CACNA1S: variants seen among roughly 807,000 people sequenced by gnomAD.
The protein encoded by CACNA1S is calcium voltage-gated channel subunit alpha1 S.
A neutral mutation model predicts 207.4 loss-of-function variants in CACNA1S; 126 were observed. The observed-to-expected ratio is 0.61, with a 90% CI of 0.53 to 0.70. The LOEUF (loss-of-function observed/expected upper bound fraction) is 0.70, where lower values mean the gene tolerates loss of function less well. Among genes scored for constraint, CACNA1S ranks in the 30% least tolerant of loss-of-function variants. The pLI is 0.00. For missense variants in CACNA1S, 2,349 were observed against 2,422.8 expected (o/e 0.97, Z 0.64); for synonymous variants, 960 against 932.7 (o/e 1.03, Z -0.53).
chr1:201,055,739 G>T (rs1170745323), intron 28 of CACNA1S, among the ~76,000 whole-genome samples: 1 of 152,170 alleles, frequency 6.6e-6, no homozygotes, highest in Non-Finnish European at 1.5e-5. Context: ...CATCAGGTAT[G>T]TAAATCAATC....
chr1:201,111,306 A>G (rs1663094934), intron 1 of CACNA1S, among the ~76,000 whole-genome samples: 2 of 152,214 alleles, frequency 1.3e-5, no homozygotes, highest in South Asian at 4.1e-4. Context: ...GTAGGAGCCC[A>G]GCCTTCCAGA....
Position 201,058,516 on chromosome 1 carries a change from C to T in CACNA1S, c.3526-25G>A, listed in dbSNP as rs370585469. The stretch of plus-strand genomic sequence containing the variant: ...CCTGGGAAGGAAAAGGATGGGAAAG[C>T]GAGGGGGTGAGCTTTGGGAGGAAGG... On this transcript the variant is annotated intron_variant, in intron 27 of 43. Coordinates refer to ENST00000362061, the MANE Select transcript of CACNA1S (RefSeq NM_000069.3). The T allele has an allele frequency of 2.6e-4, 407 of 1,576,218 alleles. 1 individual carries two copies. Among genetic ancestry groups the T allele is most frequent in the Non-Finnish European group, 3.3e-4 (375 of 1,145,970 alleles).
intron 28 of CACNA1S, among the ~76,000 whole-genome samples, chr1:201,057,519 C>T (rs376386660): frequency 1.7e-4 from 26 of 152,362 alleles, no homozygotes; most frequent in Middle Eastern, 6.8e-3. Context: ...TTGTTCACTG[C>T]TGTATCTCAG....
intron 34 of CACNA1S, 133 bp downstream of exon 34, chr1:201,050,256 C>T: frequency 9.9e-7 from 1 of 1,005,310 alleles, no homozygotes; most frequent in East Asian, 2.4e-5. Context: ...ATTCTCTGAT[C>T]TGAGACCTCA....
rs1246058295 is a variant in CACNA1S at position 201,048,617 on chromosome 1, G to A, written c.4406C>T (p.Ala1469Val). 1 of 1,613,970 alleles carries A rather than the reference G, an allele frequency of 6.2e-7. No homozygotes were observed. The highest frequency in any genetic ancestry group is 1.1e-5 in the South Asian group (1 of 91,088). ...GATCTTGAGTGCCGTGCGGACCAGGGCAAAGAGTGTGGCATTGAAGGTGAC... is the reference window on the plus strand; with the variant it reads ...GATCTTGAGTGCCGTGCGGACCAGGACAAAGAGTGTGGCATTGAAGGTGAC... ...GTVTFNATLFALVRTALKIKT... is the reference protein window; with the variant it reads ...GTVTFNATLFVLVRTALKIKT... Residue 1469 changes from alanine to valine, a missense_variant, in exon 36 of 44, where the codon GCC becomes GTC. Coordinates refer to ENST00000362061, the MANE Select transcript of CACNA1S (RefSeq NM_000069.3).
rs568714136 is a variant in CACNA1S, at chr1:201,051,780, C to A, written c.3954-637G>T. On this transcript the variant is annotated intron_variant, in intron 32 of 43. Transcript: ENST00000362061. ...ACTCCTTTGTGTCTAATAACTGTCT[C>A]ATTTCAGCTAGCTCCCTTCCTTCCT... 8.5e-5 allele frequency among the ~76,000 whole-genome samples: 13 copies of A among 152,346 alleles called. No homozygotes were observed. In the East Asian group the frequency reaches 2.5e-3, roughly 29 times the overall value.
In CACNA1S at chr1:201,059,210, C is replaced by G; in HGVS notation, c.3504G>C (p.Lys1168Asn). 6.2e-7 allele frequency: 1 copy of G among 1,613,554 alleles called. No homozygotes were observed. Among genetic ancestry groups the G allele is most frequent in the Non-Finnish European group, 8.5e-7 (1 of 1,179,466 alleles). ...TIIFTLEMIL[K>N]LMAFKARGYF... is the part of the protein sequence containing the mutation. ...TCACCCTGGCCTTGAAGGCCATGAG[C>G]TTGAGGATCATCTCCAGGGTGAAGA... Residue 1168 changes from lysine (K) to asparagine (N), a missense_variant, in exon 27 of 44, where the codon AAG (lysine) becomes AAC (asparagine). Transcript: ENST00000362061.
At position 201,075,508 on chromosome 1, in the gene CACNA1S, G is replaced by T; in HGVS notation, c.1935C>A (p.Phe645Leu). The T allele has an allele frequency of 6.2e-7, 1 of 1,611,686 alleles. No individual in the cohort carries two copies. Among genetic ancestry groups the T allele is most frequent in the Non-Finnish European group, 8.5e-7 (1 of 1,179,320 alleles). ...CCGAGAGGATACAGTTGCCACAGACGAAAAGGATGATGAAGTAAATGCACA... is the reference window on the plus strand; with the variant it reads ...CCGAGAGGATACAGTTGCCACAGACTAAAAGGATGATGAAGTAAATGCACA... ...MLVCIYFIILFVCGNYILLNV... is the reference protein window; with the variant it reads ...MLVCIYFIILLVCGNYILLNV... Residue 645 changes from phenylalanine to leucine, a missense_variant, in exon 13 of 44, where the codon TTC (phenylalanine) becomes TTA (leucine). Coordinates refer to ENST00000362061, the MANE Select transcript of CACNA1S (RefSeq NM_000069.3).
Position 201,078,021 on chromosome 1 carries a change from T to G in CACNA1S, c.1477A>C (p.Met493Leu), listed in dbSNP as rs757006372. The G allele has an allele frequency of 2.5e-6, 4 of 1,614,090 alleles. No homozygotes were observed. In the Admixed American group the frequency reaches 6.7e-5, roughly 27 times the overall value. The change falls in exon 11 of 44, where the codon ATG (methionine) becomes CTG (leucine). Residue 493 changes from methionine (M) to leucine (L), a missense_variant. Met to Leu is a conservative substitution (Grantham distance 15, BLOSUM62 2). Coordinates refer to ENST00000362061, the MANE Select transcript of CACNA1S (RefSeq NM_000069.3). ...CAGTCGAAGCGGTTGAAGATAGACA[T>G]GAAGTACTGGCGCAGGCCCAGCCCG... ...MYGLGLRQYF[M>L]SIFNRFDCFV...
intron 10 of CACNA1S, among the ~76,000 whole-genome samples, chr1:201,081,037 A>G (rs905036339): frequency 6.6e-6 from 1 of 152,198 alleles, no homozygotes; most frequent in African/African-American, 2.4e-5. Flanking sequence ...CAGGGCCTCT[A>G]GCAGGAATAA....
At chr1:201,103,621 A>T (rs186086740) in intron 2 of CACNA1S, among the ~76,000 whole-genome samples, 1 of 152,262 alleles carries the variant, frequency 6.6e-6, no homozygotes, top group East Asian at 1.9e-4. Context: ...TCATTTCCAC[A>T]GACCCTTTTG....
chr1:201,072,871 G>T, intron 15 of CACNA1S, 47 bp from the exon 16 acceptor site: 1 of 1,487,058 alleles, frequency 6.7e-7, no homozygotes, highest in Non-Finnish European at 9.4e-7. Context: ...AGAAGTTGCG[G>T]TTTCCCCTCA....
chr1:201,094,576 A>G (rs1662350710), intron 2 of CACNA1S, among the ~76,000 whole-genome samples: 1 of 152,074 alleles, frequency 6.6e-6, no homozygotes, highest in Non-Finnish European at 1.5e-5. Context: ...CAGGGGATGG[A>G]TGGTAGGAGA....
chr1:201,055,643 G>C (rs772055109), intron 28 of CACNA1S, among the ~76,000 whole-genome samples: 1 of 152,182 alleles, frequency 6.6e-6, no homozygotes, highest in Non-Finnish European at 1.5e-5. Flanking sequence ...GTGGCTAGTG[G>C]CTACTCTATT....
At chr1:201,042,590 T>C (rs1346051382) in intron 40 of CACNA1S, among the ~76,000 whole-genome samples, 1 of 152,174 alleles carries the variant, frequency 6.6e-6, no homozygotes, top group African/African-American at 2.4e-5. Context: ...CTTCAAGGCT[T>C]GTGGGCTGAA....
At chr1:201,054,442 C>T in intron 29 of CACNA1S, 63 bp downstream of exon 29, 2 of 1,506,126 alleles carry the variant, frequency 1.3e-6, no homozygotes, top group South Asian at 1.1e-5. Flanking sequence ...CAGGCCCATG[C>T]ATGCAAGTGG....
rs1660395792 is a variant in CACNA1S at position 201,044,274 on chromosome 1, A to T, written c.4797+54T>A. 17 of 1,608,132 alleles carry T rather than the reference A, an allele frequency of 1.1e-5. No homozygotes were observed. The South Asian group carries it at 1.9e-4, about 18-fold the overall frequency. Reference sequence around the variant, plus strand: ...GGCTCCCAGCCCTCCTCTCTGTGAGACACTGCCACTCATGGTGTCTAGACC... The same window carrying T: ...GGCTCCCAGCCCTCCTCTCTGTGAGTCACTGCCACTCATGGTGTCTAGACC... On this transcript the variant is annotated intron_variant, in intron 39 of 43. Coordinates refer to ENST00000362061, the MANE Select transcript of CACNA1S (RefSeq NM_000069.3).
chr1:201,110,258 G>C lies in CACNA1S; in HGVS notation c.164C>G (p.Thr55Arg). Residue 55 changes from threonine (T) to arginine (R), a missense_variant, in exon 2 of 44, where the codon ACG becomes AGG. Transcript: ENST00000362061. ...GGCAAAGATGGTGAGCAAGATGATCGTCTCGAAGGGCCTGGAGCCAGGGTT... is the reference window on the plus strand; with the variant it reads ...GGCAAAGATGGTGAGCAAGATGATCCTCTCGAAGGGCCTGGAGCCAGGGTT... ...ISIVEWKPFE[T>R]IILLTIFANC... The C allele has an allele frequency of 6.2e-7, 1 of 1,614,212 alleles. No individual in the cohort carries two copies. Among genetic ancestry groups the C allele is most frequent in the Non-Finnish European group, 8.5e-7 (1 of 1,180,012 alleles).
At chr1:201,111,085 G>A (rs545134892) in intron 1 of CACNA1S, among the ~76,000 whole-genome samples, 6 of 152,196 alleles carry the variant, frequency 3.9e-5, no homozygotes, top group African/African-American at 1.4e-4. Context: ...GCAGAGGATG[G>A]AGGAGAGGGA....
Sources: gnomAD v4.1 joint callset for allele counts (sites outside exome capture counted in the v4.1 genomes callset) on GRCh38, gnomAD v4.1.1 for gene constraint, MANE v1.5 for transcripts, NCBI Gene and HGNC (gene_info 2026-07-23, HGNC 2026-07-21) for gene names.